Variants in RNF180 observed in about 807,000 individuals in gnomAD.
RNF180 encodes ring finger protein 180, also known as E3 ubiquitin-protein ligase RNF180.
A neutral mutation model predicts 59.2 loss-of-function variants in RNF180; 38 were observed. That is an observed-to-expected ratio of 0.64 (90% CI 0.50 to 0.84). The LOEUF (loss-of-function observed/expected upper bound fraction) is 0.84, where lower values mean the gene tolerates loss of function less well. Ranked by LOEUF, RNF180 falls within the 40% of genes least tolerant of loss-of-function variation. The pLI is 0.00. For missense variants in RNF180, 705 were observed against 700.9 expected, an observed-to-expected ratio of 1.01 and a Z score of -0.07; for synonymous variants, 262 against 240.3, an observed-to-expected ratio of 1.09 and a Z score of -0.84.
chr5:64,231,669 A>G (rs1742109286), intron 5 of RNF180, among the ~76,000 whole-genome samples: 1 of 152,252 alleles, frequency 6.6e-6, no homozygotes, highest in Non-Finnish European at 1.5e-5. Flanking sequence ...TGACATGTTT[A>G]AGATTCTCTT....
chr5:64,342,352 T>G (rs1208561567), intron 7 of RNF180, among the ~76,000 whole-genome samples: 1 of 152,172 alleles, frequency 6.6e-6, no homozygotes, highest in Non-Finnish European at 1.5e-5. Context: ...TGAGGATTAG[T>G]CTAGCCATGG....
chr5:64,329,316 C>T (rs908798251), intron 6 of RNF180, among the ~76,000 whole-genome samples: 2 of 152,154 alleles, frequency 1.3e-5, no homozygotes, highest in East Asian at 3.9e-4. Flanking sequence ...TTTTAGACCA[C>T]CAGTCCTCAA....
In RNF180 at chr5:64,213,537, ATTC is replaced by A; in HGVS notation, c.232-15_232-13del. 6.3e-7 allele frequency: 1 copy of A among 1,581,054 alleles called. No homozygotes were observed. The highest frequency in any genetic ancestry group is 8.6e-7 in the Non-Finnish European group (1 of 1,163,540). ...ACTTTATAATGAAAGCACTGTCTTT[ATTC>A]TTCTTTATTACCTGTAGGCCCAGTG... On this transcript the variant is annotated intron_variant, in intron 3 of 7. Coordinates refer to ENST00000389100, the MANE Select transcript of RNF180 (RefSeq NM_001113561.2).
chr5:64,351,341 A>G (rs1484996332), intron 7 of RNF180, among the ~76,000 whole-genome samples: 1 of 152,290 alleles, frequency 6.6e-6, no homozygotes, highest in South Asian at 2.1e-4. Flanking sequence ...CAATCATGTC[A>G]TCTGCAAACA....
At chr5:64,366,688 G>GA (rs764246356) in intron 7 of RNF180, among the ~76,000 whole-genome samples, 3 of 151,184 alleles carry the variant, frequency 2.0e-5, no homozygotes, top group Non-Finnish European at 3.0e-5. Flanking sequence ...CAAAAATAAA[G>GA]AAAAAAAGAA....
intron 1 of RNF180, among the ~76,000 whole-genome samples, chr5:64,169,584 C>A (rs1056131960): frequency 6.6e-6 from 1 of 152,212 alleles, no homozygotes; most frequent in African/African-American, 2.4e-5. Context: ...ACCAAACCCA[C>A]TGAAATTGGA....
chr5:64,318,864 G>T (rs191894446), intron 5 of RNF180, among the ~76,000 whole-genome samples: 101 of 152,170 alleles, frequency 6.6e-4, no homozygotes, highest in African/African-American at 2.2e-3. Context: ...AACTGATATG[G>T]AATTGAGAGT....
At chr5:64,224,062 G>GGT (rs10694125) in intron 5 of RNF180, among the ~76,000 whole-genome samples, 37,675 of 141,198 alleles carry the variant, frequency 0.27, 4,702 homozygotes, top group African/African-American at 0.31. Flanking sequence ...TCTAGGTTGG[G>GGT]GTGTGTGTGT....
intron 5 of RNF180, among the ~76,000 whole-genome samples, chr5:64,324,672 C>A (rs1744542784): frequency 6.6e-6 from 1 of 152,230 alleles, no homozygotes; most frequent in African/African-American, 2.4e-5. Context: ...CCTCCTGACA[C>A]CCCTTAGGCT....
chr5:64,343,942 A>G (rs1745456873), intron 7 of RNF180, among the ~76,000 whole-genome samples: 1 of 151,484 alleles, frequency 6.6e-6, no homozygotes, highest in South Asian at 2.1e-4. Flanking sequence ...TTTCACCTTC[A>G]TTTTTTAAGG....
intron 5 of RNF180, among the ~76,000 whole-genome samples, chr5:64,320,898 C>T (rs1161237513): frequency 6.6e-6 from 1 of 151,916 alleles, no homozygotes; most frequent in Non-Finnish European, 1.5e-5. Context: ...ATTAGCCGGG[C>T]GAGGTGGCGG....
At chr5:64,349,320 T>C (rs1361956173) in intron 7 of RNF180, among the ~76,000 whole-genome samples, 1 of 151,630 alleles carries the variant, frequency 6.6e-6, no homozygotes, top group Non-Finnish European at 1.5e-5. Context: ...GTTAACTTCA[T>C]TTTTTTTGTA....
At chr5:64,290,676 A>G (rs762248643) in intron 5 of RNF180, among the ~76,000 whole-genome samples, 8 of 152,044 alleles carry the variant, frequency 5.3e-5, no homozygotes, top group Non-Finnish European at 7.4e-5. Flanking sequence ...AGTCCATTTT[A>G]TCAGAAACTA....
intron 1 of RNF180, among the ~76,000 whole-genome samples, chr5:64,184,552 G>A (rs1750779824): frequency 6.6e-6 from 1 of 152,086 alleles, no homozygotes; most frequent in African/African-American, 2.4e-5. Flanking sequence ...TATTGCAAAG[G>A]TACAATAACT....
At chr5:64,269,506 C>T (rs1347088552) in intron 5 of RNF180, among the ~76,000 whole-genome samples, 1 of 152,014 alleles carries the variant, frequency 6.6e-6, no homozygotes, top group Non-Finnish European at 1.5e-5. Context: ...TTTTGGCATC[C>T]CTGTGTGCCC....
intron 1 of RNF180, among the ~76,000 whole-genome samples, chr5:64,181,694 T>C (rs527643142): frequency 2.0e-5 from 3 of 152,256 alleles, no homozygotes; most frequent in Non-Finnish European, 4.4e-5. Flanking sequence ...TCTGGGCAGA[T>C]CTCTCTGTAA....
chr5:64,247,827 C>G lies in RNF180; in HGVS notation c.1227+30431C>G, dbSNP rs376746463. Among the ~76,000 whole-genome samples, 39 of 152,244 alleles carry G rather than the reference C, an allele frequency of 2.6e-4. No homozygotes were observed. In the South Asian group the frequency reaches 7.2e-3, roughly 28 times the overall value. On this transcript the variant is annotated intron_variant, in intron 5 of 7. Coordinates refer to ENST00000389100, the MANE Select transcript of RNF180 (RefSeq NM_001113561.2). ...ACAATCCTAAGCGAAAAGAACAAAG[C>G]TGGAACTATCACGCTACCTGACTTT...
chr5:64,304,117 A>G (rs942292596), intron 5 of RNF180, among the ~76,000 whole-genome samples: 2 of 151,340 alleles, frequency 1.3e-5, no homozygotes, highest in Non-Finnish European at 3.0e-5. Flanking sequence ...TAAGCCCACT[A>G]TTGAGATCTC....
chr5:64,320,010 C>T (rs1346568278), intron 5 of RNF180, among the ~76,000 whole-genome samples: 1 of 152,114 alleles, frequency 6.6e-6, no homozygotes, highest in Non-Finnish European at 1.5e-5. Flanking sequence ...AAGTGTGAAC[C>T]AACAGCATCA....
Sources: gnomAD v4.1 joint callset for allele counts (sites outside exome capture counted in the v4.1 genomes callset) on GRCh38, gnomAD v4.1.1 for gene constraint, MANE v1.5 for transcripts, NCBI Gene and HGNC (gene_info 2026-07-23, HGNC 2026-07-21) for gene names.